Variants in ZNF423 observed in about 807,000 individuals in gnomAD.
The protein encoded by ZNF423 is Ebf-associated zinc finger protein.
ZNF423 carries 12 observed loss-of-function variants against 95.8 expected under a neutral mutation model. The ratio of observed to expected loss-of-function variants is 0.13; its 90% CI spans 0.08 to 0.20. ZNF423 has a LOEUF of 0.20. ZNF423 is among the 10% of genes least tolerant of loss of function. The pLI is 1.00. For missense variants in ZNF423, 1,316 were observed against 1,737.1 expected, an observed-to-expected ratio of 0.76 and a Z score of 4.31; for synonymous variants, 749 against 711.9, an observed-to-expected ratio of 1.05 and a Z score of -0.83.
intron 3 of ZNF423, among the ~76,000 whole-genome samples, chr16:49,706,671 C>T (rs920533685): frequency 8.5e-5 from 13 of 152,200 alleles, no homozygotes; most frequent in Non-Finnish European, 1.8e-4. Flanking sequence ...AATACAAGAG[C>T]AACATGGAAG....
intron 3 of ZNF423, among the ~76,000 whole-genome samples, chr16:49,691,480 C>A (rs990185120): frequency 2.6e-5 from 4 of 152,210 alleles, no homozygotes; most frequent in African/African-American, 9.6e-5. Context: ...CGCCTGTAAT[C>A]CCAGCACTCT....
At chr16:49,820,870 T>A (rs888203600) in intron 1 of ZNF423, among the ~76,000 whole-genome samples, 1 of 152,250 alleles carries the variant, frequency 6.6e-6, no homozygotes, top group African/African-American at 2.4e-5. Flanking sequence ...TAAGACTTGA[T>A]CCCCACAATT....
chr16:49,686,931 A>G (rs1387383763), intron 3 of ZNF423, among the ~76,000 whole-genome samples: 1 of 151,930 alleles, frequency 6.6e-6, no homozygotes, highest in African/African-American at 2.4e-5. Flanking sequence ...CTTGGATCGC[A>G]TGTTCCTAAC....
intron 5 of ZNF423, among the ~76,000 whole-genome samples, chr16:49,571,601 C>T (rs1597119106): frequency 6.6e-6 from 1 of 152,158 alleles, no homozygotes; most frequent in African/African-American, 2.4e-5. Flanking sequence ...AGGGTCTCTA[C>T]CTAAGGACAA....
intron 2 of ZNF423, among the ~76,000 whole-genome samples, chr16:49,776,309 C>A (rs1157446824): frequency 6.6e-6 from 1 of 152,234 alleles, no homozygotes; most frequent in African/African-American, 2.4e-5. Flanking sequence ...CGAGGGCCAG[C>A]CCAGCGGGTG....
intron 3 of ZNF423, among the ~76,000 whole-genome samples, chr16:49,694,302 C>T (rs1312359105): frequency 1.3e-5 from 2 of 152,074 alleles, no homozygotes; most frequent in African/African-American, 4.8e-5. Flanking sequence ...ATACAGAGAC[C>T]CCTCTAAAAA....
intron 3 of ZNF423, among the ~76,000 whole-genome samples, chr16:49,712,315 T>A (rs1398607785): frequency 1.3e-5 from 2 of 152,124 alleles, no homozygotes; most frequent in Admixed American, 6.5e-5. Context: ...GGGGCTCGCG[T>A]GCCTGAGCAG....
intron 5 of ZNF423, among the ~76,000 whole-genome samples, chr16:49,557,074 G>A (rs1245982667): frequency 6.6e-6 from 1 of 152,212 alleles, no homozygotes; most frequent in Non-Finnish European, 1.5e-5. Context: ...GTCACACAAG[G>A]CGGGCCCTCT....
At position 49,638,379 on chromosome 16, in the gene ZNF423, G is replaced by C. The variant is rs1284575158; in HGVS notation, c.797C>G (p.Ala266Gly). 6.2e-7 allele frequency: 1 copy of C among 1,613,886 alleles called. No individual in the cohort carries two copies. The highest frequency in any genetic ancestry group is 8.5e-7 in the Non-Finnish European group (1 of 1,180,042). ...KEHLAKSEKEAKKDDFMCDYC... is the reference protein window; with the variant it reads ...KEHLAKSEKEGKKDDFMCDYC... ...GTCGCACATGAAGTCGTCCTTCTTG[G>C]CTTCCTTCTCCGACTTGGCCAGATG... Residue 266 changes from alanine to glycine, a missense_variant, in exon 4 of 8, where the codon GCC (alanine) becomes GGC (glycine). By Grantham distance (60) the Ala-to-Gly change is moderately conservative. Around this residue, in one of 6 missense-constraint regions of ZNF423, gnomAD observed 399 missense variants for 478.5 expected, o/e 0.83. Transcript: ENST00000563137. This position sits in a 1 kb window ranked among gnomAD's most constrained non-coding sequence, Gnocchi z 5.6.
At chr16:49,785,851 G>T (rs1475576436) in intron 2 of ZNF423, among the ~76,000 whole-genome samples, 2 of 152,228 alleles carry the variant, frequency 1.3e-5, no homozygotes, top group African/African-American at 4.8e-5. Flanking sequence ...TCACACCTAT[G>T]GCCTGGCAAG....
intron 3 of ZNF423, among the ~76,000 whole-genome samples, chr16:49,715,697 A>T (rs941243694): frequency 6.6e-6 from 1 of 151,370 alleles, no homozygotes; most frequent in Non-Finnish European, 1.5e-5. Flanking sequence ...GTGAGCAACA[A>T]TCGTGCCAGT....
At chr16:49,717,883 C>T (rs1271202090) in intron 3 of ZNF423, among the ~76,000 whole-genome samples, 2 of 152,174 alleles carry the variant, frequency 1.3e-5, no homozygotes, top group Non-Finnish European at 2.9e-5. Flanking sequence ...TGGCAGTGAA[C>T]CGGCTCCTGT....
chr16:49,858,609 T>C (rs2035397199), upstream of ZNF423, among the ~76,000 whole-genome samples: 1 of 151,766 alleles, frequency 6.6e-6, no homozygotes, highest in Non-Finnish European at 1.5e-5. The surrounding 1 kb of genome is among the most constrained non-coding windows in gnomAD (Gnocchi z 4.3). Flanking sequence ...ACCTAAGCCT[T>C]GAGGGCCGCC....
chr16:49,793,400 C>G (rs2034447558), intron 1 of ZNF423, among the ~76,000 whole-genome samples: 1 of 152,198 alleles, frequency 6.6e-6, no homozygotes, highest in Non-Finnish European at 1.5e-5. Context: ...TCAGAGAAAC[C>G]CCAATCCGCA....
intron 5 of ZNF423, among the ~76,000 whole-genome samples, chr16:49,565,813 GA>G (rs1470867845): frequency 6.6e-6 from 1 of 151,758 alleles, no homozygotes; most frequent in Non-Finnish European, 1.5e-5. Flanking sequence ...TGTCAATAGG[GA>G]AAGAGAGAAA....
intron 1 of ZNF423, among the ~76,000 whole-genome samples, chr16:49,796,605 C>T (rs564054872): frequency 6.2e-4 from 95 of 152,238 alleles, no homozygotes; most frequent in Middle Eastern, 3.4e-3. Context: ...CAGGAAAGCT[C>T]GGGGGACAGA....
At chr16:49,591,104 T>C (rs755476038) in intron 5 of ZNF423, among the ~76,000 whole-genome samples, 27 of 152,206 alleles carry the variant, frequency 1.8e-4, no homozygotes, top group Non-Finnish European at 3.7e-4. Flanking sequence ...ATATGGGCAT[T>C]GTAACTCCAC....
intron 5 of ZNF423, among the ~76,000 whole-genome samples, chr16:49,532,487 C>T (rs976602090): frequency 1.3e-5 from 2 of 152,176 alleles, no homozygotes; most frequent in Non-Finnish European, 2.9e-5. Context: ...AGGGACCCAT[C>T]GTATGGTCCC....
intron 5 of ZNF423, among the ~76,000 whole-genome samples, chr16:49,613,629 A>T (rs1359685762): frequency 6.6e-6 from 1 of 152,204 alleles, no homozygotes; most frequent in East Asian, 1.9e-4. Context: ...GCTTGAGCCC[A>T]AGAGTTCAAG....
Sources: allele counts gnomAD v4.1 joint callset (sites outside exome capture counted in the v4.1 genomes callset), GRCh38; gene constraint gnomAD v4.1.1; regional missense constraint gnomAD v4.1.1; non-coding constraint Gnocchi (gnomAD v3.1); transcripts MANE v1.5; gene names NCBI Gene and HGNC (gene_info 2026-07-23, HGNC 2026-07-21).